Variants in MYOM1 observed in about 807,000 individuals in gnomAD.
MYOM1 encodes the protein myomesin 1, also known as myomesin-1.
MYOM1 carries 164 observed loss-of-function variants against 205.3 expected under a neutral mutation model. The ratio of observed to expected loss-of-function variants is 0.80; its 90% CI spans 0.70 to 0.91. The LOEUF is 0.91. MYOM1 is among the 40% of genes least tolerant of loss of function. The pLI is 0.00. For missense variants in MYOM1, 2,011 were observed against 2,127.3 expected (o/e 0.95, Z 1.08); for synonymous variants, 772 against 789.4 (o/e 0.98, Z 0.37).
Position 3,152,010 on chromosome 18 carries a change from C to T in MYOM1, c.1644-117G>A. The T allele has an allele frequency of 9.2e-7, 1 of 1,081,682 alleles. No individual in the cohort carries two copies. 67.0% of individuals were successfully genotyped at this position (1,081,682 alleles called of 1,614,324 possible). A position where few individuals can be genotyped will look rare whatever the true frequency, so the allele number is the denominator to read the frequency against. The stretch of plus-strand genomic sequence containing the variant: ...TCTTCTCCCTATAAAATATCCAAGT[C>T]AGGCGTGGCTCGCTACCTGGTGAAC... On this transcript the variant is annotated intron_variant, in intron 11 of 37. Transcript: ENST00000356443. This position sits in a 1 kb window ranked among gnomAD's most constrained non-coding sequence, Gnocchi z 4.3.
Position 3,141,240 on chromosome 18 carries a change from C to G in MYOM1, c.2025+699G>C, listed in dbSNP as rs562632257. Among the ~76,000 whole-genome samples, 5 of 152,280 alleles carry G rather than the reference C, an allele frequency of 3.3e-5. No homozygotes were observed. The South Asian group carries it at 6.2e-4, about 19-fold the overall frequency. On this transcript the variant is annotated intron_variant, in intron 14 of 37. Transcript: ENST00000356443. ...CTTCTCCATTTGTTGGGCATAAATC[C>G]TTATCAGAACTACCCTCAAATACGG...
chr18:3,177,488 T>TTATTATTA (rs1567952010), intron 5 of MYOM1, among the ~76,000 whole-genome samples: 3 of 91,716 alleles, frequency 3.3e-5, no homozygotes, highest in African/African-American at 4.4e-5. Flanking sequence ...TATTATTATT[T>TTATTATTA]GAGACAGAGT....
At chr18:3,089,620 T>G (rs757826523) in intron 27 of MYOM1, 24 bp from the exon 28 acceptor site, 5 of 1,593,264 alleles carry the variant, frequency 3.1e-6, no homozygotes, top group Non-Finnish European at 3.4e-6. Context: ...AACAAGGAAG[T>G]GTGAAATTGA....
chr18:3,188,043 A>G (rs998047633), intron 4 of MYOM1, among the ~76,000 whole-genome samples: 4 of 151,600 alleles, frequency 2.6e-5, no homozygotes, highest in Non-Finnish European at 4.4e-5. Flanking sequence ...GGGTTTCACC[A>G]TGTTGGCTAG....
chr18:3,076,077 T>C (rs2079018297), intron 34 of MYOM1, among the ~76,000 whole-genome samples: 3 of 152,152 alleles, frequency 2.0e-5, no homozygotes, highest in Admixed American at 2.0e-4. Flanking sequence ...GTTTCTTTTC[T>C]TTTTTTGAGA....
At chr18:3,073,123 C>T (rs1395924302) in intron 36 of MYOM1, among the ~76,000 whole-genome samples, 1 of 152,010 alleles carries the variant, frequency 6.6e-6, no homozygotes, top group Non-Finnish European at 1.5e-5. Flanking sequence ...ATAAGCTTTC[C>T]TTGAAGCCTT....
In MYOM1 at chr18:3,219,066, G is replaced by A. The variant is rs1051104311; in HGVS notation, c.-29+737C>T. Among the ~76,000 whole-genome samples the A allele has an allele frequency of 5.3e-5, 8 of 152,026 alleles. No homozygotes were observed. Among genetic ancestry groups the A allele is most frequent in the Admixed American group, 2.0e-4 (3 of 15,252 alleles). ...GCCAGGATTAGCTCCAACACATGAC[G>A]GCTGGAGTACGTTGGGAGGAAAGAT... On this transcript the variant is annotated intron_variant, in intron 1 of 37. Transcript: ENST00000356443. The surrounding 1 kb of genome is among the most constrained non-coding windows in gnomAD (Gnocchi z 4.4).
At chr18:3,186,802 GAGAA>G (rs10655152) in intron 5 of MYOM1, among the ~76,000 whole-genome samples, 12,005 of 138,808 alleles carry the variant, frequency 0.086, 620 homozygotes, top group Non-Finnish European at 0.12. Context: ...AAGAAAGAAA[GAGAA>G]AGAAAGAAAG....
At chr18:3,157,129 G>A (rs1158731547) in intron 10 of MYOM1, among the ~76,000 whole-genome samples, 1 of 152,172 alleles carries the variant, frequency 6.6e-6, no homozygotes, top group Admixed American at 6.5e-5. Flanking sequence ...ACAACCAGGA[G>A]CCCCTGCATT....
chr18:3,208,912 G>A (rs891841578), intron 2 of MYOM1, among the ~76,000 whole-genome samples: 2 of 152,218 alleles, frequency 1.3e-5, no homozygotes, highest in African/African-American at 4.8e-5. Context: ...TTACAGGCAT[G>A]AGCCACTGTG....
chr18:3,208,150 G>A (rs753397815), intron 2 of MYOM1, among the ~76,000 whole-genome samples: 2 of 152,214 alleles, frequency 1.3e-5, no homozygotes, highest in Non-Finnish European at 2.9e-5. Context: ...GGAAGTTGGA[G>A]CAGGAGGCTG....
intron 23 of MYOM1, among the ~76,000 whole-genome samples, chr18:3,102,102 C>T (rs560986355): frequency 1.7e-4 from 26 of 149,886 alleles, no homozygotes; most frequent in Admixed American, 1.0e-3. Context: ...TCCGGGTTCA[C>T]GCCATTCTCC....
rs761071148 is a variant in MYOM1 at position 3,112,302 on chromosome 18, A to G, written c.3414T>C (p.Arg1138=). The G allele has an allele frequency of 2.0e-5, 33 of 1,613,258 alleles. No homozygotes were observed. In the South Asian group the frequency reaches 3.1e-4, roughly 15 times the overall value. ...DLAGPVVAET[R]PGTKEVVVNV... The stretch of plus-strand genomic sequence containing the variant: ...AATGAAAAGGTGAAAGCCCACCTGG[A>G]CGGGTCTCTGCCACAACAGGGCCAG... Residue 1138 remains arginine (R), a synonymous_variant, in exon 22 of 38, where the codon CGT becomes CGC. Transcript: ENST00000356443.
chr18:3,174,321 A>C lies in MYOM1; in HGVS notation c.1023-113T>G, dbSNP rs558990011. ...AGCCCCCTGCAAATCAGTGGCTAAC[A>C]CATGGCTCTTTGGTTCTCCTGGTAC... On this transcript the variant is annotated intron_variant, in intron 6 of 37. Coordinates refer to ENST00000356443, the MANE Select transcript of MYOM1 (RefSeq NM_003803.4). The C allele has an allele frequency of 9.1e-5, 77 of 846,880 alleles. No homozygotes were observed. The Middle Eastern group carries it at 2.3e-3, about 25-fold the overall frequency. The allele number at this position is 846,880 out of a possible 1,614,324, so 52.5% of individuals were successfully genotyped here.
chr18:3,102,656 A>C, intron 22 of MYOM1, 26 bp from the exon 23 acceptor site: 5 of 1,600,610 alleles, frequency 3.1e-6, no homozygotes, highest in Non-Finnish European at 4.3e-6. Context: ...GAAGGCACTG[A>C]TACTTCGTGG....
At chr18:3,068,711 G>A (rs749173866) in intron 37 of MYOM1, among the ~76,000 whole-genome samples, 2 of 152,230 alleles carry the variant, frequency 1.3e-5, no homozygotes, top group East Asian at 1.9e-4. Flanking sequence ...TGCATGTATC[G>A]ATAGTTTATC....
chr18:3,197,223 G>T (rs2081000792), intron 2 of MYOM1, among the ~76,000 whole-genome samples: 1 of 146,954 alleles, frequency 6.8e-6, no homozygotes, highest in Non-Finnish European at 1.5e-5. Context: ...TGCAACCTCT[G>T]CCTCCCGAGT....
chr18:3,119,812 AG>A, intron 20 of MYOM1, 56 bp downstream of exon 20: 1 of 1,554,624 alleles, frequency 6.4e-7, no homozygotes, highest in Non-Finnish European at 8.7e-7. Context: ...TCCAGGTTGT[AG>A]GTTCTCTTGG....
chr18:3,133,633 G>C (rs1414754148), intron 16 of MYOM1, among the ~76,000 whole-genome samples: 2 of 152,076 alleles, frequency 1.3e-5, no homozygotes, highest in Admixed American at 6.5e-5. Context: ...ATGTTAAGTA[G>C]AGTGTATTAT....
Sources: allele counts gnomAD v4.1 joint callset (sites outside exome capture counted in the v4.1 genomes callset), GRCh38; gene constraint gnomAD v4.1.1; non-coding constraint Gnocchi (gnomAD v3.1); transcripts MANE v1.5; gene names NCBI Gene and HGNC (gene_info 2026-07-23, HGNC 2026-07-21).